Variants in ARID3B observed in about 807,000 individuals in gnomAD.
ARID3B encodes the protein AT-rich interactive domain-containing protein 3B.
ARID3B carries 10 observed loss-of-function variants against 51.9 expected under a neutral mutation model. The observed-to-expected ratio is 0.19, with a 90% CI of 0.12 to 0.33. The LOEUF (loss-of-function observed/expected upper bound fraction) is 0.33, where lower values mean the gene tolerates loss of function less well. Among genes scored for constraint, ARID3B ranks in the 10% least tolerant of loss-of-function variants. The pLI is 1.00. For synonymous variants in ARID3B, 205 were observed against 279.5 expected, an observed-to-expected ratio of 0.73 and a Z score of 2.66; for missense variants, 483 against 716.3, an observed-to-expected ratio of 0.67 and a Z score of 3.72.
At chr15:74,555,730 C>A (rs919027213) in intron 2 of ARID3B, among the ~76,000 whole-genome samples, 3 of 151,278 alleles carry the variant, frequency 2.0e-5, no homozygotes, top group Admixed American at 2.0e-4. Context: ...TTGCTTTGCC[C>A]GGATCCATAA....
At position 74,591,333 on chromosome 15, in the gene ARID3B, T is replaced by C. The variant is rs1027859512; in HGVS notation, c.1064T>C (p.Leu355Pro). 13 of 1,613,888 alleles carry C rather than the reference T, an allele frequency of 8.1e-6. No homozygotes were observed. Among genetic ancestry groups the C allele is most frequent in the Non-Finnish European group, 1.1e-5 (13 of 1,179,956 alleles). The change falls in exon 6 of 9, where the codon CTC becomes CCC. Residue 355 changes from leucine to proline, a missense_variant. By Grantham distance (98) the Leu-to-Pro change is moderately conservative. This residue lies in a region of ARID3B where 265 missense variants were observed against 354.4 expected (regional missense o/e 0.75). Coordinates refer to ENST00000346246, the MANE Select transcript of ARID3B (RefSeq NM_006465.4). This position sits in a 1 kb window ranked among gnomAD's most constrained non-coding sequence, Gnocchi z 5.8. ...GCCGCTGCCGGGGCCCCTGCCCTTCTCTCCCCACCCAAGATCCGCTTTCCC... is the reference window on the plus strand; with the variant it reads ...GCCGCTGCCGGGGCCCCTGCCCTTCCCTCCCCACCCAAGATCCGCTTTCCC... ...AAAAAGAPAL[L>P]SPPKIRFPIL...
At chr15:74,545,324 C>T (rs1051757276) in intron 2 of ARID3B, among the ~76,000 whole-genome samples, 1 of 152,160 alleles carries the variant, frequency 6.6e-6, no homozygotes, top group Non-Finnish European at 1.5e-5. Context: ...TTACATCATC[C>T]CCTTGACAAC....
rs1156418696 is a variant in ARID3B, at chr15:74,589,031, T to A, written c.698-789T>A. Among the ~76,000 whole-genome samples the A allele has an allele frequency of 1.5e-4, 19 of 124,070 alleles. 1 individual carries two copies. The Admixed American group carries it at 1.6e-3, about 10-fold the overall frequency. The allele number at this position is 124,070 out of a possible 152,430, so 81.4% of individuals were successfully genotyped here. On this transcript the variant is annotated intron_variant, in intron 4 of 8. Transcript: ENST00000346246. ...GCAAACAAGCACACTCTTTTTTTTT[T>A]TTTTTTTTTTTTTTTTTTAAGACAG...
intron 2 of ARID3B, among the ~76,000 whole-genome samples, chr15:74,558,472 T>C (rs1467523745): frequency 6.6e-6 from 1 of 152,208 alleles, no homozygotes; most frequent in Non-Finnish European, 1.5e-5. Context: ...TTATGGTTTC[T>C]ATTCCTTCAG....
intron 8 of ARID3B, among the ~76,000 whole-genome samples, chr15:74,594,233 A>G (rs974761409): frequency 6.6e-5 from 10 of 152,070 alleles, no homozygotes; most frequent in African/African-American, 1.2e-4. Context: ...TGGATCACGA[A>G]GTCAGGATAT....
At chr15:74,581,990 C>T (rs1191569929) in intron 4 of ARID3B, among the ~76,000 whole-genome samples, 1 of 152,158 alleles carries the variant, frequency 6.6e-6, no homozygotes, top group African/African-American at 2.4e-5. Context: ...CTCAGACAGC[C>T]GTGCACTGCT....
At chr15:74,563,056 T>C (rs1197973376) in intron 2 of ARID3B, among the ~76,000 whole-genome samples, 4 of 152,256 alleles carry the variant, frequency 2.6e-5, no homozygotes, top group African/African-American at 9.6e-5. Context: ...GTGCTGAGTC[T>C]CCTAAGTTTA....
intron 2 of ARID3B, among the ~76,000 whole-genome samples, chr15:74,564,482 C>T (rs1596255710): frequency 6.6e-6 from 1 of 152,176 alleles, no homozygotes; most frequent in South Asian, 2.1e-4. Context: ...TTATTTGTTG[C>T]TTATTAAAAA....
In ARID3B at chr15:74,589,982, C is replaced by G; in HGVS notation, c.860C>G (p.Ala287Gly). Residue 287 changes from alanine (A) to glycine (G), a missense_variant, in exon 5 of 9, where the codon GCC becomes GGC. Coordinates refer to ENST00000346246, the MANE Select transcript of ARID3B (RefSeq NM_006465.4). ...GLNLPTSITSAAFTLRTQYMK... is the reference protein window; with the variant it reads ...GLNLPTSITSGAFTLRTQYMK... The stretch of plus-strand genomic sequence containing the variant: ...AACCTGCCCACATCCATCACCAGCG[C>G]CGCCTTCACCCTCAGGACGCAGTGA... The G allele has an allele frequency of 1.2e-6, 2 of 1,612,822 alleles. No individual in the cohort carries two copies. Among genetic ancestry groups the G allele is most frequent in the Non-Finnish European group, 1.7e-6 (2 of 1,179,284 alleles).
intron 4 of ARID3B, among the ~76,000 whole-genome samples, chr15:74,580,523 C>T (rs988558500): frequency 6.6e-6 from 1 of 152,018 alleles, no homozygotes; most frequent in Non-Finnish European, 1.5e-5. Context: ...TTTATTATAC[C>T]ATACACATTA....
rs1199563193 is a variant in ARID3B, at chr15:74,596,756, A to G, written c.*982A>G. 1 of 233,060 alleles carries G rather than the reference A, an allele frequency of 4.3e-6. No individual in the cohort carries two copies. Among genetic ancestry groups the G allele is most frequent in the Non-Finnish European group, 8.5e-6 (1 of 117,934 alleles). The allele number at this position is 233,060 out of a possible 1,614,324, so 14.4% of individuals were successfully genotyped here. A position where few individuals can be genotyped will look rare whatever the true frequency, so the allele number is the denominator to read the frequency against. ...GTTTGAGTCTTCAGGAAGTATTTGC[A>G]TCTCTGAAATCTTTTTTATATGTGT... On this transcript the variant is annotated 3_prime_UTR_variant, in exon 9 of 9. Coordinates refer to ENST00000346246, the MANE Select transcript of ARID3B (RefSeq NM_006465.4).
intron 8 of ARID3B, 21 bp downstream of exon 8, chr15:74,593,257 G>A (rs1462387219): frequency 6.2e-7 from 1 of 1,605,728 alleles, no homozygotes; most frequent in Non-Finnish European, 8.5e-7. Context: ...GGAGCTCTGG[G>A]GGAGGCCCAC....
At chr15:74,546,651 C>T (rs1175657338) in intron 2 of ARID3B, among the ~76,000 whole-genome samples, 1 of 152,198 alleles carries the variant, frequency 6.6e-6, no homozygotes, top group Non-Finnish European at 1.5e-5. Context: ...ATTTGAAACT[C>T]TTTGCGTTCA....
chr15:74,592,148 G>C (rs1049757716), intron 7 of ARID3B, among the ~76,000 whole-genome samples: 1 of 152,238 alleles, frequency 6.6e-6, no homozygotes, highest in African/African-American at 2.4e-5. Context: ...ACTGGATGTA[G>C]GCAAGAGCAG....
chr15:74,587,267 A>G (rs901078819), intron 4 of ARID3B, among the ~76,000 whole-genome samples: 2 of 152,206 alleles, frequency 1.3e-5, no homozygotes, highest in African/African-American at 2.4e-5. Flanking sequence ...TGGGCCAGAG[A>G]GGGCCTGGAC....
chr15:74,545,867 G>A (rs1376136539), intron 2 of ARID3B, among the ~76,000 whole-genome samples: 3 of 152,112 alleles, frequency 2.0e-5, no homozygotes, highest in African/African-American at 4.8e-5. Flanking sequence ...CTTTTAGTAG[G>A]GCTCTGATTT....
At chr15:74,551,025 G>T (rs574242263) in intron 2 of ARID3B, among the ~76,000 whole-genome samples, 204 of 152,306 alleles carry the variant, frequency 1.3e-3, no homozygotes, top group Middle Eastern at 3.4e-3. Flanking sequence ...GCATACTCAA[G>T]TCCTGCAGTC....
intron 2 of ARID3B, 145 bp downstream of exon 2, chr15:74,544,633 T>C: frequency 1.5e-6 from 1 of 664,168 alleles, no homozygotes; most frequent in Non-Finnish European, 2.4e-6. Flanking sequence ...AGACTTTGGA[T>C]TTTTTTCTTA....
rs757550099 is a variant in ARID3B, at chr15:74,597,554, T to A, written c.*1780T>A. ...ATACCCCATCTCCCGAGGGCTGACC[T>A]CCTCTGGCCTCAGCCTGCAGGGTGT... On this transcript the variant is annotated 3_prime_UTR_variant, in exon 9 of 9. Transcript: ENST00000346246. The A allele has an allele frequency of 8.4e-5, 45 of 535,470 alleles. No individual in the cohort carries two copies. The highest frequency in any genetic ancestry group is 1.4e-4 in the Non-Finnish European group (40 of 276,714). 33.2% of individuals were successfully genotyped at this position (535,470 alleles called of 1,614,324 possible).
Sources: allele counts gnomAD v4.1 joint callset (sites outside exome capture counted in the v4.1 genomes callset), GRCh38; gene constraint gnomAD v4.1.1; regional missense constraint gnomAD v4.1.1; non-coding constraint Gnocchi (gnomAD v3.1); transcripts MANE v1.5; gene names NCBI Gene and HGNC (gene_info 2026-07-23, HGNC 2026-07-21).